The following PLAC1 variants were observed in gnomAD, a reference collection of about 807,000 sequenced individuals.
PLAC1 encodes the protein placenta-specific protein 1.
For missense variants in PLAC1, 136 were observed against 163.2 expected (o/e 0.83, Z 0.91); for synonymous variants, 68 against 62.1 (o/e 1.09, Z -0.44).
In PLAC1 at chrX:134,669,716, T is replaced by C. The variant is rs1267868671; in HGVS notation, n.174+63719A>G. On this transcript the variant is annotated intron_variant and non_coding_transcript_variant, in intron 2 of 2. Coordinates refer to the PLAC1 transcript ENST00000466797. ...TAGAGTGGCTGAGAACTGCCTGGTG[T>C]GAGCGGGATGCTGGGGCAGCTTGGT... is the stretch of plus-strand genomic sequence containing the variant. 2.7e-5 allele frequency among the ~76,000 whole-genome samples: 3 copies of C among 112,358 alleles called. No individual in the cohort carries two copies. In the Admixed American group the frequency reaches 2.8e-4, roughly 11 times the overall value.
chrX:134,570,900 A>G (rs1374147921), intron 2 of PLAC1, among the ~76,000 whole-genome samples: 3 of 112,572 alleles, frequency 2.7e-5, no homozygotes, highest in African/African-American at 9.7e-5. Context: ...TACATTAAAA[A>G]ATCATAAAAC....
chrX:134,589,726 C>CAA (rs11319611), intron 2 of PLAC1, among the ~76,000 whole-genome samples: 825 of 73,670 alleles, frequency 0.011, 12 homozygotes, highest in African/African-American at 0.04. Context: ...GACTCTGTCT[C>CAA]AAAAAAAAAA....
chrX:134,719,305 C>A (rs1202352902), intron 2 of PLAC1, among the ~76,000 whole-genome samples: 2 of 112,075 alleles, frequency 1.8e-5, no homozygotes, highest in Non-Finnish European at 3.8e-5. Flanking sequence ...AATCCAACAA[C>A]AAATAAAATG....
chrX:134,619,628 G>A (rs1279139499), intron 1 of PLAC1, among the ~76,000 whole-genome samples: 1 of 104,828 alleles, frequency 9.5e-6, no homozygotes, highest in Non-Finnish European at 2.0e-5. Context: ...TTGAGCCTGG[G>A]TGACAAAGCA....
chrX:134,602,720 G>T lies in PLAC1; in HGVS notation c.-130-598C>A, dbSNP rs778510915. On this transcript the variant is annotated intron_variant, in intron 1 of 2. Transcript: ENST00000359237. ...GAGTGAAAGAAGTCAGTATCAAAGG[G>T]TTATATAGTATATGATTCAATTTCT... Among the ~76,000 whole-genome samples the T allele has an allele frequency of 4.5e-5, 5 of 110,753 alleles. No homozygotes were observed. The East Asian group carries it at 1.1e-3, about 25-fold the overall frequency.
intron 2 of PLAC1, among the ~76,000 whole-genome samples, chrX:134,671,015 A>G (rs1035494892): frequency 1.8e-5 from 2 of 111,784 alleles, no homozygotes; most frequent in African/African-American, 6.5e-5. Context: ...ATTTGTTAAA[A>G]AAATTTTTAA....
At chrX:134,579,362 T>G (rs757102953) in intron 2 of PLAC1, among the ~76,000 whole-genome samples, 23 of 111,357 alleles carry the variant, frequency 2.1e-4, no homozygotes, top group Non-Finnish European at 3.4e-4. Context: ...GCCTTACAAC[T>G]CAGAGAAAAA....
chrX:134,630,927 A>T (rs1428834941), intron 1 of PLAC1, among the ~76,000 whole-genome samples: 4 of 111,766 alleles, frequency 3.6e-5, no homozygotes, highest in Non-Finnish European at 5.6e-5. Flanking sequence ...CATGTCTATT[A>T]CAGTGGGTAC....
chrX:134,737,962 G>A (rs1382508992), intron 1 of PLAC1, among the ~76,000 whole-genome samples: 1 of 111,716 alleles, frequency 9.0e-6, no homozygotes, highest in East Asian at 2.8e-4. Context: ...CGAGGCTGAT[G>A]CAATCACAGA....
At chrX:134,721,472 G>A (rs1316170670) in intron 2 of PLAC1, among the ~76,000 whole-genome samples, 1 of 111,055 alleles carries the variant, frequency 9.0e-6, no homozygotes, top group African/African-American at 3.3e-5. Context: ...CTACTCGGGA[G>A]GCTGAGGATT....
At chrX:134,581,334 G>A (rs1295861554) in intron 2 of PLAC1, among the ~76,000 whole-genome samples, 1 of 110,636 alleles carries the variant, frequency 9.0e-6, no homozygotes, top group Non-Finnish European at 1.9e-5. Context: ...TGGAAAAAGG[G>A]TGGGGGGCAC....
intron 1 of PLAC1, among the ~76,000 whole-genome samples, chrX:134,604,789 C>T (rs188006402): frequency 1.8e-5 from 2 of 111,314 alleles, no homozygotes; most frequent in African/African-American, 6.5e-5. Context: ...AATAAGGACA[C>T]CATTATGCAG....
At chrX:134,747,981 A>G (rs1465811859) in intron 1 of PLAC1, among the ~76,000 whole-genome samples, 4 of 112,018 alleles carry the variant, frequency 3.6e-5, no homozygotes, top group Non-Finnish European at 7.5e-5. Context: ...AATTGGCCTT[A>G]GATACGCTAA....
chrX:134,762,184 A>G (rs1196306621), intron 1 of PLAC1, among the ~76,000 whole-genome samples: 6 of 102,418 alleles, frequency 5.9e-5, no homozygotes, highest in Non-Finnish European at 1.2e-4. Context: ...AACATTCCAG[A>G]ACTGTTGAGG....
At chrX:134,584,353 A>T (rs756140410) in intron 2 of PLAC1, among the ~76,000 whole-genome samples, 1 of 111,936 alleles carries the variant, frequency 8.9e-6, no homozygotes, top group African/African-American at 3.2e-5. Context: ...TCATTCTGAG[A>T]TTCCCTTCTT....
At chrX:134,718,958 T>C (rs141590084) in intron 2 of PLAC1, among the ~76,000 whole-genome samples, 95 of 111,877 alleles carry the variant, frequency 8.5e-4, no homozygotes, top group African/African-American at 3.0e-3. Context: ...TGATAAAGAA[T>C]TTGTGATAGT....
intron 2 of PLAC1, among the ~76,000 whole-genome samples, chrX:134,594,842 C>G (rs2078055164): frequency 1.9e-5 from 2 of 108,030 alleles, no homozygotes; most frequent in Non-Finnish European, 3.8e-5. Flanking sequence ...TTAATTTTCT[C>G]TATTGTTTTC....
At chrX:134,752,975 T>C (rs12393482) in intron 1 of PLAC1, among the ~76,000 whole-genome samples, 2 of 111,643 alleles carry the variant, frequency 1.8e-5, no homozygotes, top group Admixed American at 1.9e-4. Flanking sequence ...GTTAAAATGG[T>C]ATAAAAGGCA....
At chrX:134,676,253 T>G (rs1013984317) in intron 2 of PLAC1, among the ~76,000 whole-genome samples, 1 of 111,390 alleles carries the variant, frequency 9.0e-6, no homozygotes. Flanking sequence ...GGCCATCCCC[T>G]GGTTCTCTCA....
Sources: allele counts gnomAD v4.1 joint callset (sites outside exome capture counted in the v4.1 genomes callset), GRCh38; gene constraint gnomAD v4.1.1; transcripts MANE v1.5; gene names NCBI Gene and HGNC (gene_info 2026-07-23, HGNC 2026-07-21).